Variants in ERBB4 observed in about 807,000 individuals in gnomAD.
ERBB4 encodes the protein erb-b2 receptor tyrosine kinase 4.
ERBB4 carries 42 observed loss-of-function variants against 158.0 expected under a neutral mutation model. That is an observed-to-expected ratio of 0.27 (90% CI 0.21 to 0.34). The LOEUF is 0.34. ERBB4 is among the 10% of genes least tolerant of loss of function. ERBB4 has a pLI of 1.00. For synonymous variants in ERBB4, 583 were observed against 558.7 expected (o/e 1.04, Z -0.61); for missense variants, 1,333 against 1,624.1 (o/e 0.82, Z 3.08).
intron 1 of ERBB4, among the ~76,000 whole-genome samples, chr2:212,184,042 T>G (rs1408051008): frequency 6.6e-6 from 1 of 152,150 alleles, no homozygotes; most frequent in East Asian, 1.9e-4. Flanking sequence ...TACACATCAC[T>G]AGCAATTTTG....
chr2:211,514,223 G>A (rs1056498200), intron 20 of ERBB4, among the ~76,000 whole-genome samples: 5 of 152,070 alleles, frequency 3.3e-5, no homozygotes, highest in East Asian at 1.9e-4. Context: ...ATATTAGAGC[G>A]AACACTAACA....
intron 4 of ERBB4, among the ~76,000 whole-genome samples, chr2:211,773,623 TATATATA>T (rs1483114457): frequency 4.5e-5 from 3 of 66,580 alleles, no homozygotes; most frequent in Admixed American, 1.3e-4. Flanking sequence ...TATATATATA[TATATATA>T]TATATATATA....
At chr2:212,002,203 C>A (rs2125281666) in intron 2 of ERBB4, among the ~76,000 whole-genome samples, 1 of 152,110 alleles carries the variant, frequency 6.6e-6, no homozygotes, top group Non-Finnish European at 1.5e-5. Flanking sequence ...ATTGGCAAAG[C>A]AAAATATACC....
chr2:212,347,422 A>T (rs2089058539), intron 1 of ERBB4, among the ~76,000 whole-genome samples: 1 of 152,156 alleles, frequency 6.6e-6, no homozygotes, highest in African/African-American at 2.4e-5. Flanking sequence ...GGAATCACTA[A>T]TATACCCAAA....
At chr2:212,175,407 T>C (rs967853389) in intron 1 of ERBB4, among the ~76,000 whole-genome samples, 1 of 152,082 alleles carries the variant, frequency 6.6e-6, no homozygotes, top group Middle Eastern at 3.4e-3. Context: ...CTTCTGTGTG[T>C]GTTTTTGTGT....
chr2:212,182,878 G>GA (rs1309146992), intron 1 of ERBB4, among the ~76,000 whole-genome samples: 1 of 4,990 alleles, frequency 2.0e-4, no homozygotes, highest in Non-Finnish European at 1.3e-3. Flanking sequence ...GTTGGGTTGA[G>GA]GTTTTTTTTT....
intron 2 of ERBB4, among the ~76,000 whole-genome samples, chr2:212,059,703 A>T (rs2077699684): frequency 6.6e-6 from 1 of 152,232 alleles, no homozygotes; most frequent in Admixed American, 6.5e-5. Context: ...AAGATTCCCT[A>T]TTTAATAAAT....
chr2:212,259,597 C>G (rs1269075084), intron 1 of ERBB4, among the ~76,000 whole-genome samples: 1 of 152,088 alleles, frequency 6.6e-6, no homozygotes, highest in Non-Finnish European at 1.5e-5. Context: ...ACAATCTAAA[C>G]ATTTAATAAG....
chr2:211,699,132 T>A (rs1228802525), intron 12 of ERBB4, among the ~76,000 whole-genome samples: 1 of 152,188 alleles, frequency 6.6e-6, no homozygotes, highest in Non-Finnish European at 1.5e-5. Flanking sequence ...AACTCCTAGA[T>A]TTAGATAAGT....
At position 211,403,654 on chromosome 2, in the gene ERBB4, C is replaced by T. The variant is rs192872408; in HGVS notation, c.3136-15662G>A. Among the ~76,000 whole-genome samples the T allele has an allele frequency of 7.2e-5, 11 of 152,258 alleles. No homozygotes were observed. In the East Asian group the frequency reaches 9.6e-4, roughly 13 times the overall value. On this transcript the variant is annotated intron_variant, in intron 25 of 27. Transcript: ENST00000342788. ...CCATATAGCTGCGTATACATTTTGA[C>T]ATCACTGTGAAAAGCTCTCAATGCC...
chr2:211,953,090 C>T (rs541053967), intron 2 of ERBB4, among the ~76,000 whole-genome samples: 8 of 151,924 alleles, frequency 5.3e-5, no homozygotes, highest in South Asian at 2.1e-4. Context: ...GGAATGGAAT[C>T]GAAAAGTGGA....
chr2:212,331,795 T>C (rs1488676272), intron 1 of ERBB4, among the ~76,000 whole-genome samples: 1 of 152,050 alleles, frequency 6.6e-6, no homozygotes, highest in African/African-American at 2.4e-5. Flanking sequence ...CATAGTTTTT[T>C]TGGTCATTTT....
chr2:212,382,680 T>G (rs2106415226), intron 1 of ERBB4, among the ~76,000 whole-genome samples: 1 of 151,330 alleles, frequency 6.6e-6, no homozygotes, highest in East Asian at 1.9e-4. Flanking sequence ...GTTTTCTAGA[T>G]TACAAGAATA....
At chr2:211,931,014 G>A (rs1330007840) in intron 3 of ERBB4, among the ~76,000 whole-genome samples, 1 of 152,034 alleles carries the variant, frequency 6.6e-6, no homozygotes, top group East Asian at 1.9e-4. Flanking sequence ...TAATTCCAGG[G>A]GAACTAAGAA....
At chr2:211,799,032 T>C (rs1048244079) in intron 3 of ERBB4, among the ~76,000 whole-genome samples, 2 of 152,122 alleles carry the variant, frequency 1.3e-5, no homozygotes, top group Non-Finnish European at 2.9e-5. Context: ...AGTTCGTAGG[T>C]CACAAAACCT....
intron 1 of ERBB4, among the ~76,000 whole-genome samples, chr2:212,235,448 C>A (rs1043827612): frequency 6.6e-6 from 1 of 152,040 alleles, no homozygotes; most frequent in African/African-American, 2.4e-5. Flanking sequence ...TCTTGGCTAT[C>A]CGGGCTCTTT....
intron 1 of ERBB4, among the ~76,000 whole-genome samples, chr2:212,205,653 C>A (rs935338033): frequency 1.3e-5 from 2 of 152,124 alleles, no homozygotes; most frequent in African/African-American, 2.4e-5. Flanking sequence ...AAGACCTTAT[C>A]TTTATTTGTC....
chr2:211,623,822 T>C, intron 18 of ERBB4, 100 bp downstream of exon 18: 4 of 1,160,562 alleles, frequency 3.4e-6, no homozygotes, highest in Non-Finnish European at 5.0e-6. Context: ...CTGAATATTA[T>C]AAGAAAATTA....
intron 12 of ERBB4, among the ~76,000 whole-genome samples, chr2:211,692,093 T>C (rs1434374589): frequency 6.6e-6 from 1 of 152,202 alleles, no homozygotes; most frequent in Non-Finnish European, 1.5e-5. Flanking sequence ...TTGACCCAAA[T>C]AGCGTCAATC....
Sources: gnomAD v4.1 joint callset for allele counts (sites outside exome capture counted in the v4.1 genomes callset) on GRCh38, gnomAD v4.1.1 for gene constraint, MANE v1.5 for transcripts, NCBI Gene and HGNC (gene_info 2026-07-23, HGNC 2026-07-21) for gene names.